ARHGEF4: variants seen among roughly 807,000 people sequenced by gnomAD.
ARHGEF4 encodes APC-stimulated guanine nucleotide exchange factor 1.
In ARHGEF4, 119 loss-of-function variants were observed where a neutral mutation model predicts 162.0. The observed-to-expected ratio is 0.73, with a 90% CI of 0.63 to 0.86. The LOEUF (loss-of-function observed/expected upper bound fraction) is 0.86, where lower values mean the gene tolerates loss of function less well. Ranked by LOEUF, ARHGEF4 falls within the 40% of genes least tolerant of loss-of-function variation. ARHGEF4 has a pLI of 0.00. For synonymous variants in ARHGEF4, 1,014 were observed against 979.9 expected (o/e 1.03, Z -0.65); for missense variants, 2,488 against 2,456.0 (o/e 1.01, Z -0.28).
intron 1 of ARHGEF4, among the ~76,000 whole-genome samples, chr2:130,839,971 C>G (rs1312466019): frequency 6.6e-6 from 1 of 152,144 alleles, no homozygotes; most frequent in Non-Finnish European, 1.5e-5. Context: ...AGAGAAAGGT[C>G]AAGGTCTTTG....
chr2:131,028,649 A>C (rs1270950667), intron 5 of ARHGEF4, among the ~76,000 whole-genome samples: 2 of 152,346 alleles, frequency 1.3e-5, no homozygotes, highest in Admixed American at 6.5e-5. Context: ...CTCCCTTTGC[A>C]TTCCCAATAA....
chr2:130,998,302 C>T (rs1395643336), intron 4 of ARHGEF4, among the ~76,000 whole-genome samples: 1 of 152,000 alleles, frequency 6.6e-6, no homozygotes, highest in Non-Finnish European at 1.5e-5. Context: ...CCTATAAACC[C>T]CTCACCCTGT....
At chr2:130,956,413 G>A (rs1446337267) in intron 4 of ARHGEF4, among the ~76,000 whole-genome samples, 5 of 151,992 alleles carry the variant, frequency 3.3e-5, no homozygotes, top group Admixed American at 2.0e-4. Context: ...TCAGTGTGGC[G>A]ACTCCTCAGG....
At chr2:130,986,027 A>G (rs1686466513) in intron 4 of ARHGEF4, among the ~76,000 whole-genome samples, 1 of 149,660 alleles carries the variant, frequency 6.7e-6, no homozygotes, top group Non-Finnish European at 1.5e-5. Flanking sequence ...TTGTGCGTGC[A>G]TGTTTTGTGT....
At chr2:130,984,417 G>A (rs1017790682) in intron 4 of ARHGEF4, among the ~76,000 whole-genome samples, 2 of 152,140 alleles carry the variant, frequency 1.3e-5, no homozygotes, top group Admixed American at 6.5e-5. Context: ...ATGGCCAGGC[G>A]CAGTGGCTCA....
intron 1 of ARHGEF4, among the ~76,000 whole-genome samples, chr2:130,866,227 TTTAA>T (rs546169166): frequency 3.4e-4 from 52 of 152,106 alleles, no homozygotes; most frequent in Admixed American, 2.9e-3. Context: ...AAAAATTTGT[TTTAA>T]TAAAATAGCT....
chr2:130,916,140 C>G lies in ARHGEF4; in HGVS notation c.2194C>G (p.Pro732Ala). ...ASEETPSTEE[P>A]PGERLRGESR... is the part of the protein sequence containing the mutation. ...GGAAGAGACGCCGAGCACAGAGGAG[C>G]CCCCGGGAGAGAGACTGCGTGGGGA... The change falls in exon 2 of 14, where the codon CCC becomes GCC. Residue 732 changes from proline to alanine, a missense_variant. Transcript: ENST00000409359. 2 of 1,549,002 alleles carry G rather than the reference C, an allele frequency of 1.3e-6. No homozygotes were observed. The highest frequency in any genetic ancestry group is 1.4e-5 in the African/African-American group (1 of 73,138).
intron 1 of ARHGEF4, among the ~76,000 whole-genome samples, chr2:130,866,825 G>A (rs935091943): frequency 6.6e-6 from 1 of 152,186 alleles, no homozygotes; most frequent in Non-Finnish European, 1.5e-5. Context: ...AGCAGTTGGT[G>A]TGTAGTTTTT....
rs1429349280 is a variant in ARHGEF4, at chr2:130,902,933, C to A, written c.40-11053C>A. Among the ~76,000 whole-genome samples, 4 of 151,958 alleles carry A rather than the reference C, an allele frequency of 2.6e-5. No homozygotes were observed. In the South Asian group the frequency reaches 6.2e-4, roughly 24 times the overall value. ...CCCACAGGGGCTCTGTTTTTTTGTTCTTTTTTCAGTGTCTTATCTCTGGTG... is the reference window on the plus strand; with the variant it reads ...CCCACAGGGGCTCTGTTTTTTTGTTATTTTTTCAGTGTCTTATCTCTGGTG... On this transcript the variant is annotated intron_variant, in intron 1 of 13. Coordinates refer to ENST00000409359, the MANE Select transcript of ARHGEF4 (RefSeq NM_001367493.1).
chr2:131,043,524 G>A lies in ARHGEF4; in HGVS notation c.5098G>A (p.Ala1700Thr), dbSNP rs773762975. 6.2e-7 allele frequency: 1 copy of A among 1,613,986 alleles called. No individual in the cohort carries two copies. Among genetic ancestry groups the A allele is most frequent in the Admixed American group, 1.7e-5 (1 of 60,004 alleles). ...GCTGACTCGAGTTACACAGCCTCAA[G>A]CCAAAAGCCAGCAGCGAATGTTCTT... ...GELTRVTQPQ[A>T]KSQQRMFFLF... The change falls in exon 11 of 14, where the codon GCC (alanine) becomes ACC (threonine). Residue 1700 changes from alanine (A) to threonine (T), a missense_variant. Coordinates refer to ENST00000409359, the MANE Select transcript of ARHGEF4 (RefSeq NM_001367493.1).
intron 1 of ARHGEF4, among the ~76,000 whole-genome samples, chr2:130,898,740 A>G (rs1273470908): frequency 6.6e-6 from 1 of 152,148 alleles, no homozygotes; most frequent in Admixed American, 6.5e-5. Flanking sequence ...AAGGCAGACT[A>G]AGCCCACACA....
intron 1 of ARHGEF4, among the ~76,000 whole-genome samples, chr2:130,898,283 C>T (rs1680284393): frequency 6.6e-6 from 1 of 152,156 alleles, no homozygotes; most frequent in Non-Finnish European, 1.5e-5. Context: ...GGCACCGCTG[C>T]GTTCACAGGC....
At chr2:131,005,549 G>C (rs1688066228) in intron 4 of ARHGEF4, among the ~76,000 whole-genome samples, 1 of 152,220 alleles carries the variant, frequency 6.6e-6, no homozygotes, top group East Asian at 1.9e-4. Context: ...CTGTGAGTGA[G>C]ATTTCTATAT....
intron 1 of ARHGEF4, among the ~76,000 whole-genome samples, chr2:130,843,475 C>G (rs1230979050): frequency 1.3e-5 from 2 of 152,194 alleles, no homozygotes; most frequent in African/African-American, 4.8e-5. Flanking sequence ...CCGTGCCTCC[C>G]CTGGGCTGTG....
At chr2:130,846,963 CCA>C (rs1406705700) in intron 1 of ARHGEF4, among the ~76,000 whole-genome samples, 2 of 152,196 alleles carry the variant, frequency 1.3e-5, no homozygotes, top group East Asian at 3.9e-4. Context: ...TCCACTGTAT[CCA>C]CAGACATGTG....
At chr2:130,878,725 A>C (rs1018678889) in intron 1 of ARHGEF4, among the ~76,000 whole-genome samples, 1 of 152,202 alleles carries the variant, frequency 6.6e-6, no homozygotes, top group Admixed American at 6.6e-5. Context: ...TTGCATTTTC[A>C]ATCGAATTAA....
chr2:130,998,788 C>T (rs948534494), intron 4 of ARHGEF4, among the ~76,000 whole-genome samples: 10 of 152,180 alleles, frequency 6.6e-5, no homozygotes, highest in Admixed American at 5.2e-4. Context: ...TTTGTGTACA[C>T]GTTTTGTGTG....
At chr2:130,971,398 C>G (rs1191244267) in intron 4 of ARHGEF4, among the ~76,000 whole-genome samples, 1 of 152,152 alleles carries the variant, frequency 6.6e-6, no homozygotes, top group Admixed American at 6.5e-5. Context: ...CAGTGGCTCA[C>G]GCCTGTAATC....
Position 131,046,102 on chromosome 2 carries a change from G to A in ARHGEF4, c.5544G>A (p.Gln1848=), listed in dbSNP as rs1218999991. ...CAGCCCTGCCCAGCAACCGGCCCCA[G>A]CAGCAGGTCCTGGTGCTGGCGGAGC... is the stretch of plus-strand genomic sequence containing the variant. The part of the protein sequence containing the change: ...KHPALPSNRP[Q]QQVLVLAEPR... Residue 1848 remains glutamine (Q), a synonymous_variant, in exon 14 of 14, where the codon CAG becomes CAA. Transcript: ENST00000409359. The A allele has an allele frequency of 1.9e-6, 3 of 1,612,818 alleles. No homozygotes were observed. The highest frequency in any genetic ancestry group is 2.5e-6 in the Non-Finnish European group (3 of 1,179,904).
Sources: allele counts gnomAD v4.1 joint callset (sites outside exome capture counted in the v4.1 genomes callset), GRCh38; gene constraint gnomAD v4.1.1; transcripts MANE v1.5; gene names NCBI Gene and HGNC (gene_info 2026-07-23, HGNC 2026-07-21).